The following LOXL2 variants were observed in gnomAD, a reference collection of about 807,000 sequenced individuals.
The protein encoded by LOXL2 is lysyl oxidase homolog 2.
A neutral mutation model predicts 93.0 loss-of-function variants in LOXL2; 70 were observed. That is an observed-to-expected ratio of 0.75 (90% confidence interval 0.62 to 0.92). The LOEUF (loss-of-function observed/expected upper bound fraction) is 0.92. Ranked by LOEUF, LOXL2 falls within the 40% of genes least tolerant of loss-of-function variation. The pLI is 0.00. For missense variants in LOXL2, 973 were observed against 1,054.9 expected, an observed-to-expected ratio of 0.92 and a Z score of 1.08; for synonymous variants, 438 against 413.2, an observed-to-expected ratio of 1.06 and a Z score of -0.73.
intron 2 of LOXL2, among the ~76,000 whole-genome samples, chr8:23,361,031 G>T (rs909245794): frequency 6.6e-6 from 1 of 151,944 alleles, no homozygotes; most frequent in African/African-American, 2.4e-5. Flanking sequence ...CTCCCAAGTA[G>T]CTGGGACGAC....
At chr8:23,326,344 T>A (rs11135726) in intron 6 of LOXL2, among the ~76,000 whole-genome samples, 88,285 of 152,056 alleles carry the variant, frequency 0.58, 27,944 homozygotes, top group Middle Eastern at 0.73. Context: ...ATAAATGGAA[T>A]GTTTATGTCA....
chr8:23,396,209 T>C (rs2117240464), intron 1 of LOXL2, among the ~76,000 whole-genome samples: 1 of 152,034 alleles, frequency 6.6e-6, no homozygotes, highest in South Asian at 2.1e-4. Flanking sequence ...TCCCAGCTAC[T>C]CGGGAGGCTG....
intron 1 of LOXL2, among the ~76,000 whole-genome samples, chr8:23,400,741 T>G (rs1230141539): frequency 6.6e-6 from 1 of 152,154 alleles, no homozygotes; most frequent in Non-Finnish European, 1.5e-5. Context: ...CTGGGGCCTT[T>G]GTTTCTTCCA....
At chr8:23,368,755 C>A (rs371591844) in intron 1 of LOXL2, among the ~76,000 whole-genome samples, 1 of 152,080 alleles carries the variant, frequency 6.6e-6, no homozygotes, top group African/African-American at 2.4e-5. Flanking sequence ...AGGCCGGTGT[C>A]ACACCCTAGG....
chr8:23,349,572 C>T (rs900632014), intron 3 of LOXL2, among the ~76,000 whole-genome samples: 9 of 151,596 alleles, frequency 5.9e-5, no homozygotes, highest in African/African-American at 2.2e-4. Flanking sequence ...CCAAATAGGA[C>T]GTCCACACGT....
intron 10 of LOXL2, among the ~76,000 whole-genome samples, chr8:23,304,260 T>C (rs1469569125): frequency 1.3e-5 from 2 of 152,312 alleles, no homozygotes; most frequent in East Asian, 1.9e-4. Context: ...TCGGGAGGAA[T>C]TGAGAACAGA....
chr8:23,323,888 CAT>C (rs1435902178), intron 6 of LOXL2, among the ~76,000 whole-genome samples: 2 of 151,996 alleles, frequency 1.3e-5, no homozygotes, highest in African/African-American at 4.8e-5. Flanking sequence ...TTTTAGTAGA[CAT>C]GGGGTTTCAC....
At chr8:23,303,187 G>A in intron 11 of LOXL2, 95 bp downstream of exon 11, 1 of 790,536 alleles carries the variant, frequency 1.3e-6, no homozygotes, top group Non-Finnish European at 2.2e-6. Context: ...GTGACACAGG[G>A]TCAGTGCCAG....
At chr8:23,351,833 T>G (rs1414998490) in intron 3 of LOXL2, among the ~76,000 whole-genome samples, 1 of 152,102 alleles carries the variant, frequency 6.6e-6, no homozygotes, top group Non-Finnish European at 1.5e-5. Context: ...ATGTGAGGGC[T>G]AGACAGGATC....
At chr8:23,348,329 G>A (rs997008967) in intron 3 of LOXL2, among the ~76,000 whole-genome samples, 3 of 151,748 alleles carry the variant, frequency 2.0e-5, no homozygotes, top group African/African-American at 4.8e-5. Context: ...TGGGTGCAGC[G>A]GGCCAGCATG....
chr8:23,360,588 G>A (rs7010362), intron 2 of LOXL2, among the ~76,000 whole-genome samples: 8,043 of 152,224 alleles, frequency 0.053, 214 homozygotes, highest in Admixed American at 0.083. Context: ...TTCTCGTTCA[G>A]CCACTTAGCT....
At chr8:23,321,905 C>A (rs374324325) in intron 7 of LOXL2, 166 of 534,982 alleles carry the variant, frequency 3.1e-4, no homozygotes, top group Non-Finnish European at 5.1e-4. Context: ...TGCAAGGAGG[C>A]AGGGCCTTTC....
chr8:23,348,630 C>T (rs12680286), intron 3 of LOXL2, among the ~76,000 whole-genome samples: 43,987 of 151,908 alleles, frequency 0.29, 8,224 homozygotes, highest in African/African-American at 0.53. Flanking sequence ...GTAATCCTAG[C>T]ACTTTGGGAG....
At chr8:23,364,300 T>A (rs142240761) in intron 2 of LOXL2, 4,027 of 152,278 alleles carry the variant, frequency 0.026, 62 homozygotes, top group Middle Eastern at 0.071. Context: ...AGATGCCTCC[T>A]CAGAGCTGCC....
chr8:23,327,990 CAG>C (rs575574120), intron 6 of LOXL2, among the ~76,000 whole-genome samples: 80 of 152,226 alleles, frequency 5.3e-4, no homozygotes, highest in African/African-American at 1.9e-3. Flanking sequence ...TTTTGTTGTA[CAG>C]AGTGGTTCAG....
At chr8:23,355,020 A>T (rs1247909827) in intron 3 of LOXL2, among the ~76,000 whole-genome samples, 1 of 134,406 alleles carries the variant, frequency 7.4e-6, no homozygotes. Context: ...GTGCAATGGC[A>T]CCATCTCGGC....
chr8:23,313,939 C>T (rs1336646552), intron 9 of LOXL2, among the ~76,000 whole-genome samples: 2 of 94,172 alleles, frequency 2.1e-5, no homozygotes, highest in African/African-American at 6.5e-5. Flanking sequence ...TGAACTCAAA[C>T]AAATTTACAA....
Position 23,303,415 on chromosome 8 carries a change from T to G in LOXL2, c.1881-18A>C, listed in dbSNP as rs374073307. Reference sequence around the variant, plus strand: ...GGTAGTGCCTGGAGCGAGAGAGAGATGGCCTGGAGGTCAGTTTCTGGAGCA... The same window carrying G: ...GGTAGTGCCTGGAGCGAGAGAGAGAGGGCCTGGAGGTCAGTTTCTGGAGCA... On this transcript the variant is annotated intron_variant, in intron 10 of 13. Coordinates refer to ENST00000389131, the MANE Select transcript of LOXL2 (RefSeq NM_002318.3). 2.1e-6 allele frequency: 3 copies of G among 1,453,194 alleles called. No individual in the cohort carries two copies. Among genetic ancestry groups the G allele is most frequent in the African/African-American group, 2.8e-5 (2 of 71,778 alleles). The allele number at this position is 1,453,194 out of a possible 1,614,324, so 90.0% of individuals were successfully genotyped here.
intron 3 of LOXL2, among the ~76,000 whole-genome samples, chr8:23,351,614 A>G (rs1414595391): frequency 6.6e-6 from 1 of 152,256 alleles, no homozygotes; most frequent in Non-Finnish European, 1.5e-5. Context: ...TCACAGAGTT[A>G]TAATGGTATT....
Sources: allele counts gnomAD v4.1 joint callset (sites outside exome capture counted in the v4.1 genomes callset), GRCh38; gene constraint gnomAD v4.1.1; transcripts MANE v1.5; gene names NCBI Gene and HGNC (gene_info 2026-07-23, HGNC 2026-07-21).